The following UCP2 variants were observed in gnomAD, a reference collection of about 807,000 sequenced individuals.
The protein encoded by UCP2 is dicarboxylate carrier SLC25A8.
A neutral mutation model predicts 31.3 loss-of-function variants in UCP2; 27 were observed. That is an observed-to-expected ratio of 0.86 (90% CI 0.64 to 1.19). UCP2 has a LOEUF of 1.19. UCP2 is among the 50% of genes most tolerant of loss of function. UCP2 has a pLI of 0.00. For missense variants in UCP2, 377 were observed against 413.5 expected (o/e 0.91, Z 0.76); for synonymous variants, 142 against 157.4 (o/e 0.90, Z 0.73).
chr11:73,982,929 C>T (rs527689270), upstream of UCP2: 3 of 152,450 alleles, frequency 2.0e-5, no homozygotes, highest in Non-Finnish European at 2.9e-5. Flanking sequence ...GGCCTGCCAG[C>T]TCCTACTTGG....
chr11:73,975,706 T>G (rs957295631), intron 6 of UCP2, 35 bp from the exon 7 acceptor site: 4 of 1,612,674 alleles, frequency 2.5e-6, no homozygotes, highest in Non-Finnish European at 3.4e-6. Flanking sequence ...AGTCAAGATC[T>G]TCACCCATCA....
chr11:73,978,011 C>T lies in UCP2; in HGVS notation c.212G>A (p.Arg71His), dbSNP rs182694614. ...GTAGAGGCTTCGGGGGCCCTCAGTA[C>T]GCACCATGGTCAGAATGGTGCCCAT... is the stretch of plus-strand genomic sequence containing the variant. ...GVMGTILTMV[R>H]TEGPRSLYNG... The change falls in exon 4 of 8, where the codon CGT becomes CAT. Residue 71 changes from arginine to histidine, a missense_variant. Physicochemically the swap from Arg to His is conservative, Grantham distance 29. Transcript: ENST00000663595. 2.7e-5 allele frequency: 44 copies of T among 1,614,224 alleles called. No individual in the cohort carries two copies. The highest frequency in any genetic ancestry group is 8.0e-5 in the African/African-American group (6 of 75,062).
chr11:73,975,697 G>A (rs1419549645), intron 6 of UCP2, 26 bp from the exon 7 acceptor site: 1 of 1,613,920 alleles, frequency 6.2e-7, no homozygotes. Context: ...AGGCAAGGCA[G>A]TCAAGATCTT....
chr11:73,976,814 G>A lies in UCP2; in HGVS notation c.532+9C>T. 2.5e-6 allele frequency: 4 copies of A among 1,614,230 alleles called. No homozygotes were observed. Among genetic ancestry groups the A allele is most frequent in the Non-Finnish European group, 3.4e-6 (4 of 1,180,042 alleles). On this transcript the variant is annotated intron_variant, in intron 5 of 7. Transcript: ENST00000663595. Reference sequence around the variant, plus strand: ...AGGAAAAGGGGAAGGGAAAACAACTGGTACACACCTTTCCAGAGGCCCCGG... The same window carrying A: ...AGGAAAAGGGGAAGGGAAAACAACTAGTACACACCTTTCCAGAGGCCCCGG...
At chr11:73,977,070 C>G in intron 4 of UCP2, 53 bp from the exon 5 acceptor site, 1 of 1,528,282 alleles carries the variant, frequency 6.5e-7, no homozygotes, top group Non-Finnish European at 8.8e-7. Context: ...CATTTTCTAC[C>G]TCATCTCTCC....
In UCP2 at chr11:73,978,245, C is replaced by G. The variant is rs773607480; in HGVS notation, c.126+8G>C. 1.2e-6 allele frequency: 2 copies of G among 1,614,174 alleles called. No individual in the cohort carries two copies. Among genetic ancestry groups the G allele is most frequent in the Non-Finnish European group, 1.7e-6 (2 of 1,180,032 alleles). The stretch of plus-strand genomic sequence containing the variant: ...CACCATCAAGACTCCCAGGCTTCAT[C>G]CCCTCACCTGTAACCGGACTTTAGC... On this transcript the variant is annotated splice_region_variant and intron_variant, in intron 3 of 7. Coordinates refer to ENST00000663595, the MANE Select transcript of UCP2 (RefSeq NM_003355.3).
rs931348137 is a variant in UCP2, at chr11:73,982,823, C to G, written c.-359G>C. ...AGCGTGGACAGTCAATCCCAAGGCG[C>G]GCGCAGCTGGGCTTCGCAGTGGGGC... On this transcript the variant is annotated 5_prime_UTR_variant, in exon 1 of 8. Transcript: ENST00000663595. 7.1e-4 allele frequency: 105 copies of G among 146,962 alleles called. No homozygotes were observed. Among genetic ancestry groups the G allele is most frequent in the African/African-American group, 2.5e-3 (98 of 39,148 alleles). The allele number at this position is 146,962 out of a possible 1,614,324, so 9.1% of individuals were successfully genotyped here.
At position 73,978,358 on chromosome 11, in the gene UCP2, T is replaced by C; in HGVS notation, c.21A>G (p.Thr7=). 6.2e-7 allele frequency: 1 copy of C among 1,614,208 alleles called. No individual in the cohort carries two copies. Among genetic ancestry groups the C allele is most frequent in the South Asian group, 1.1e-5 (1 of 91,082 alleles). Reference sequence around the variant, plus strand: ...TCACAGTGGCAGTAGGGGGCACATCTGTGGCCTTGAACCCAACCATGATGC... The same window carrying C: ...TCACAGTGGCAGTAGGGGGCACATCCGTGGCCTTGAACCCAACCATGATGC... MVGFKA[T]DVPPTATVKF... Residue 7 remains threonine (T), a synonymous_variant, in exon 3 of 8, where the codon ACA becomes ACG. Coordinates refer to ENST00000663595, the MANE Select transcript of UCP2 (RefSeq NM_003355.3).
chr11:73,980,162 G>A, intron 2 of UCP2: 1 of 152,330 alleles, frequency 6.6e-6, no homozygotes, highest in Non-Finnish European at 1.5e-5. Context: ...GTGGGGGAGG[G>A]TGACCTGCTT....
chr11:73,979,487 C>T (rs2135370101), intron 2 of UCP2, among the ~76,000 whole-genome samples: 1 of 152,232 alleles, frequency 6.6e-6, no homozygotes, highest in East Asian at 1.9e-4. Flanking sequence ...GTGGAGGTTG[C>T]AGTAGCTGAG....
intron 2 of UCP2, 78 bp from the exon 3 acceptor site, chr11:73,978,555 C>A: frequency 1.1e-6 from 1 of 902,746 alleles, no homozygotes; most frequent in Non-Finnish European, 1.7e-6. Flanking sequence ...AACTCACCTT[C>A]CCTAATAGAA....
At position 73,976,812 on chromosome 11, in the gene UCP2, CT is replaced by C; in HGVS notation, c.532+10del. The C allele has an allele frequency of 6.2e-7, 1 of 1,614,262 alleles. No individual in the cohort carries two copies. The highest frequency in any genetic ancestry group is 8.5e-7 in the Non-Finnish European group (1 of 1,180,040). ...GGAGGAAAAGGGGAAGGGAAAACAA[CT>C]GGTACACACCTTTCCAGAGGCCCCG... On this transcript the variant is annotated intron_variant, in intron 5 of 7. Transcript: ENST00000663595.
At chr11:73,979,269 G>A (rs1951413881) in intron 2 of UCP2, among the ~76,000 whole-genome samples, 1 of 152,234 alleles carries the variant, frequency 6.6e-6, no homozygotes, top group South Asian at 2.1e-4. Context: ...TTCTTGGGCT[G>A]GGTGTGGTGG....
rs1450410481 is a variant in UCP2 at position 73,982,758 on chromosome 11, G to A, written c.-294C>T. Reference sequence around the variant, plus strand: ...AGAACACGGCAGTGCGTGCGGCTGTGTCTGTCGGCTGGCGGAGGGCGCGTC... The same window carrying A: ...AGAACACGGCAGTGCGTGCGGCTGTATCTGTCGGCTGGCGGAGGGCGCGTC... On this transcript the variant is annotated 5_prime_UTR_variant, in exon 1 of 8. Transcript: ENST00000663595. 1 of 152,736 alleles carries A rather than the reference G, an allele frequency of 6.5e-6. No homozygotes were observed. Among genetic ancestry groups the A allele is most frequent in the African/African-American group, 2.4e-5 (1 of 41,466 alleles). 9.5% of individuals were successfully genotyped at this position (152,736 alleles called of 1,614,324 possible).
intron 1 of UCP2, among the ~76,000 whole-genome samples, chr11:73,982,134 C>A (rs1420700948): frequency 6.6e-6 from 1 of 152,178 alleles, no homozygotes; most frequent in Non-Finnish European, 1.5e-5. Flanking sequence ...TCATTGTGGT[C>A]ATCGCTGATG....
Position 73,977,004 on chromosome 11 carries a change from C to T in UCP2, c.351G>A (p.Gly117=). The T allele has an allele frequency of 1.9e-6, 3 of 1,599,972 alleles. No homozygotes were observed. The highest frequency in any genetic ancestry group is 2.6e-6 in the Non-Finnish European group (3 of 1,170,550). ...TGGTGCTGCCTGCTAGGAGGCGGCT[C>T]CCAATGCTGGCATCTGTGGGCGAGC... ...YTKGSEHASI[G]SRLLAGSTTG... The change falls in exon 5 of 8, where the codon GGG becomes GGA. Residue 117 remains glycine, a synonymous_variant. Transcript: ENST00000663595.
chr11:73,976,565 G>C, intron 6 of UCP2, 76 bp downstream of exon 6: 1 of 1,136,878 alleles, frequency 8.8e-7, no homozygotes, highest in Non-Finnish European at 1.3e-6. Flanking sequence ...TGGTCTTCTG[G>C]TGTCAGCTAG....
intron 1 of UCP2, among the ~76,000 whole-genome samples, chr11:73,981,865 C>T (rs1372568963): frequency 6.9e-6 from 1 of 145,034 alleles, no homozygotes; most frequent in African/African-American, 2.5e-5. Flanking sequence ...GCTTTTGTAA[C>T]ACTCAGTACT....
In UCP2 at chr11:73,981,480, C is replaced by T. The variant is rs1266145732; in HGVS notation, c.-104G>A. ...TTCCTTGGACTGGACTCTTACCCGGCTTTGTAAGGTCTCACGGTGAGGCCT... is the reference window on the plus strand; with the variant it reads ...TTCCTTGGACTGGACTCTTACCCGGTTTTGTAAGGTCTCACGGTGAGGCCT... On this transcript the variant is annotated 5_prime_UTR_variant, in exon 2 of 8. Coordinates refer to ENST00000663595, the MANE Select transcript of UCP2 (RefSeq NM_003355.3). 6.6e-6 allele frequency: 1 copy of T among 152,204 alleles called. No homozygotes were observed. The highest frequency in any genetic ancestry group is 2.4e-5 in the African/African-American group (1 of 41,420). The allele number at this position is 152,204 out of a possible 1,614,324, so 9.4% of individuals were successfully genotyped here. A position where few individuals can be genotyped will look rare whatever the true frequency, so the allele number is the denominator to read the frequency against.
Sources: allele counts gnomAD v4.1 joint callset (sites outside exome capture counted in the v4.1 genomes callset), GRCh38; gene constraint gnomAD v4.1.1; transcripts MANE v1.5; gene names NCBI Gene and HGNC (gene_info 2026-07-23, HGNC 2026-07-21).